The following AIG1 variants were observed in gnomAD, a reference collection of about 807,000 sequenced individuals.
AIG1 encodes the protein androgen-induced gene 1 protein.
Under a neutral mutation model 31.4 loss-of-function variants are expected in AIG1, and 23 were observed. The observed-to-expected ratio is 0.73, with a 90% CI of 0.53 to 1.04. AIG1 has a LOEUF of 1.04. Ranked by LOEUF, AIG1 falls within the 50% of genes least tolerant of loss-of-function variation. The pLI is 0.00. For synonymous variants in AIG1, 100 were observed against 110.5 expected, an observed-to-expected ratio of 0.90 and a Z score of 0.60; for missense variants, 274 against 295.0, an observed-to-expected ratio of 0.93 and a Z score of 0.52.
At chr6:143,131,453 TTA>T (rs1299348633) in intron 1 of AIG1, among the ~76,000 whole-genome samples, 1 of 152,210 alleles carries the variant, frequency 6.6e-6, no homozygotes, top group Non-Finnish European at 1.5e-5. Flanking sequence ...GTGGGCTTGA[TTA>T]TATCACATGA....
rs188063193 is a variant in AIG1, at chr6:143,180,033, A to G, written c.399+14850A>G. On this transcript the variant is annotated intron_variant, in intron 3 of 5. Transcript: ENST00000357847. ...GGAAGAATGTCACATTTACATTTCT[A>G]TCCTTCCACCGTCTTTCTGTCCTCA... is the stretch of plus-strand genomic sequence containing the variant. Among the ~76,000 whole-genome samples the G allele has an allele frequency of 2.5e-3, 382 of 152,350 alleles. 5 individuals are homozygous for G. The highest frequency in any genetic ancestry group is 2.8e-3 in the Non-Finnish European group (192 of 68,034).
At chr6:143,199,427 G>T (rs1449382109) in intron 3 of AIG1, among the ~76,000 whole-genome samples, 3 of 151,542 alleles carry the variant, frequency 2.0e-5, no homozygotes, top group Non-Finnish European at 4.4e-5. Context: ...GCTGGATGAT[G>T]GGTTCATGGG....
chr6:143,185,473 G>A lies in AIG1; in HGVS notation c.399+20290G>A, dbSNP rs146029695. ...TGAGCTGAGTGGTTGCAGAGCCCTT[G>A]TCTCCCATTCAGAACTCTGCTTATC... On this transcript the variant is annotated intron_variant, in intron 3 of 5. Coordinates refer to ENST00000357847, the MANE Select transcript of AIG1 (RefSeq NM_016108.4). Among the ~76,000 whole-genome samples the A allele has an allele frequency of 1.8e-4, 27 of 152,288 alleles. No homozygotes were observed. The South Asian group carries it at 2.3e-3, about 13-fold the overall frequency.
Position 143,299,630 on chromosome 6 carries a change from G to C in AIG1, c.515+15405G>C, listed in dbSNP as rs983023246. 3 of 152,248 alleles carry C rather than the reference G, an allele frequency of 2.0e-5. No individual in the cohort carries two copies. The highest frequency in any genetic ancestry group is 2.1e-4 in the South Asian group (1 of 4,834). The allele number at this position is 152,248 out of a possible 1,614,324, so 9.4% of individuals were successfully genotyped here. A position where few individuals can be genotyped will look rare whatever the true frequency, so the allele number is the denominator to read the frequency against. On this transcript the variant is annotated intron_variant, in intron 4 of 5. Coordinates refer to ENST00000357847, the MANE Select transcript of AIG1 (RefSeq NM_016108.4). This position sits in a 1 kb window ranked among gnomAD's most constrained non-coding sequence, Gnocchi z 4.1. ...TAGCAGAGGGATTTCAAGCCACTGA[G>C]AGGGTCTGATTGAATTCGAAAACCA...
At chr6:143,229,722 T>A (rs949467902) in intron 3 of AIG1, among the ~76,000 whole-genome samples, 13 of 151,908 alleles carry the variant, frequency 8.6e-5, no homozygotes, top group Non-Finnish European at 1.6e-4. Context: ...TTTAGTTGTT[T>A]TTTTCTTAAT....
At chr6:143,097,272 T>A (rs1353271051) in intron 1 of AIG1, among the ~76,000 whole-genome samples, 1 of 152,080 alleles carries the variant, frequency 6.6e-6, no homozygotes, top group African/African-American at 2.4e-5. Context: ...CATTCTGCTG[T>A]AGCAAAAAAT....
intron 3 of AIG1, chr6:143,189,278 A>C (rs544393249): frequency 9.4e-6 from 5 of 530,650 alleles, no homozygotes; most frequent in Non-Finnish European, 1.2e-5. Flanking sequence ...CAATGGCCTC[A>C]TTATGTTTCC....
intron 4 of AIG1, among the ~76,000 whole-genome samples, chr6:143,307,719 G>C (rs1323731578): frequency 6.6e-6 from 1 of 152,194 alleles, no homozygotes; most frequent in Admixed American, 6.5e-5. Context: ...GAGAACCACT[G>C]CTCTCTTCAA....
chr6:143,236,068 C>T (rs1793783038), intron 3 of AIG1, among the ~76,000 whole-genome samples: 1 of 152,192 alleles, frequency 6.6e-6, no homozygotes, highest in African/African-American at 2.4e-5. Context: ...TACTGAACCC[C>T]ATCACATTTT....
chr6:143,320,179 C>T (rs950229826), intron 4 of AIG1, among the ~76,000 whole-genome samples: 7 of 152,114 alleles, frequency 4.6e-5, no homozygotes, highest in Non-Finnish European at 1.0e-4. Flanking sequence ...TATCACCTCA[C>T]ACCAGTTAAA....
At chr6:143,278,064 A>G (rs1797072058) in intron 3 of AIG1, among the ~76,000 whole-genome samples, 1 of 152,216 alleles carries the variant, frequency 6.6e-6, no homozygotes, top group Non-Finnish European at 1.5e-5. Context: ...ATTCATTGCC[A>G]TCACAAATAG....
intron 3 of AIG1, among the ~76,000 whole-genome samples, chr6:143,221,034 ACCTAGTAAGTCAAG>A (rs1792470325): frequency 6.6e-6 from 1 of 152,112 alleles, no homozygotes; most frequent in African/African-American, 2.4e-5. Flanking sequence ...ATTTGCAAAT[ACCTAGTAAGTCAAG>A]CATTCCCAGG....
chr6:143,342,451 C>A, downstream of AIG1: 4 of 768,662 alleles, frequency 5.2e-6, no homozygotes, highest in Admixed American at 7.0e-5. Context: ...GACACGGCAA[C>A]AAGTGGTGAA....
downstream of AIG1, chr6:143,342,588 A>G: frequency 9.7e-7 from 1 of 1,026,968 alleles, no homozygotes; most frequent in Non-Finnish European, 1.6e-6. Context: ...GTGCATTTGG[A>G]TCAGCTGCTA....
intron 1 of AIG1, among the ~76,000 whole-genome samples, chr6:143,068,540 G>A (rs1776939928): frequency 6.6e-6 from 1 of 152,216 alleles, no homozygotes; most frequent in Non-Finnish European, 1.5e-5. Context: ...GTCAGACAAT[G>A]CATTAGTGCA....
chr6:143,131,888 T>C (rs753675033), intron 1 of AIG1, among the ~76,000 whole-genome samples: 1 of 152,206 alleles, frequency 6.6e-6, no homozygotes, highest in Non-Finnish European at 1.5e-5. Flanking sequence ...TGGTAACTTG[T>C]TATGCAGCAA....
chr6:143,153,131 A>G (rs955840639), intron 2 of AIG1, among the ~76,000 whole-genome samples: 6 of 152,186 alleles, frequency 3.9e-5, no homozygotes, highest in African/African-American at 1.4e-4. Flanking sequence ...AAGGATTTCC[A>G]CCTCAAAGAT....
chr6:143,127,505 G>T (rs952220690), intron 1 of AIG1, among the ~76,000 whole-genome samples: 1 of 152,158 alleles, frequency 6.6e-6, no homozygotes, highest in African/African-American at 2.4e-5. Context: ...ATGGCCAAAG[G>T]TCAAGACAAA....
chr6:143,307,138 T>C (rs1463649571), intron 4 of AIG1, among the ~76,000 whole-genome samples: 1 of 152,218 alleles, frequency 6.6e-6, no homozygotes, highest in East Asian at 1.9e-4. Flanking sequence ...TCTTTGCCTT[T>C]GGTTTGAATT....
Sources: allele counts gnomAD v4.1 joint callset (sites outside exome capture counted in the v4.1 genomes callset), GRCh38; gene constraint gnomAD v4.1.1; non-coding constraint Gnocchi (gnomAD v3.1); transcripts MANE v1.5; gene names NCBI Gene and HGNC (gene_info 2026-07-23, HGNC 2026-07-21).